NSUN4: variants seen among roughly 807,000 people sequenced by gnomAD.
NSUN4 encodes NOP2/Sun RNA methyltransferase 4, also known as 5-cytosine rRNA methyltransferase NSUN4.
A neutral mutation model predicts 43.8 loss-of-function variants in NSUN4; 31 were observed. The ratio of observed to expected loss-of-function variants is 0.71; its 90% confidence interval spans 0.53 to 0.96. NSUN4 has a LOEUF of 0.96. Among genes scored for constraint, NSUN4 ranks in the 40% least tolerant of loss-of-function variants. NSUN4 has a pLI of 0.00. For missense variants in NSUN4, 439 were observed against 475.6 expected (o/e 0.92, Z 0.72); for synonymous variants, 167 against 184.1 (o/e 0.91, Z 0.75).
At chr1:46,352,831 T>A (rs116646915) in intron 3 of NSUN4, 37 bp from the exon 4 acceptor site, 5 of 1,601,266 alleles carry the variant, frequency 3.1e-6, no homozygotes, top group Non-Finnish European at 4.3e-6. Context: ...GAATGTTTCA[T>A]TGGGTCATGG....
At chr1:46,349,132 GTTTGTTTT>G (rs1334490726) in intron 3 of NSUN4, among the ~76,000 whole-genome samples, 1 of 129,876 alleles carries the variant, frequency 7.7e-6, no homozygotes, top group Admixed American at 7.7e-5. Flanking sequence ...GTTTTTTTTG[GTTTGTTTT>G]TTTGTTTTTT....
At chr1:46,341,120 C>T in intron 1 of NSUN4, 2 of 1,267,134 alleles carry the variant, frequency 1.6e-6, no homozygotes, top group Non-Finnish European at 2.1e-6. Flanking sequence ...CCACTTGTTA[C>T]GTCTGCAGTC....
At position 46,363,275 on chromosome 1, in the gene NSUN4, T is replaced by C. The variant is rs1049011993; in HGVS notation, c.*1429T>C. 6.6e-6 allele frequency: 1 copy of C among 152,216 alleles called. No individual in the cohort carries two copies. The highest frequency in any genetic ancestry group is 2.4e-5 in the African/African-American group (1 of 41,446). The allele number at this position is 152,216 out of a possible 1,614,324, so 9.4% of individuals were successfully genotyped here. On this transcript the variant is annotated 3_prime_UTR_variant, in exon 6 of 6. Coordinates refer to ENST00000474844, the MANE Select transcript of NSUN4 (RefSeq NM_199044.4). ...TAGGAAGATGGAGCTTTAAGGAGCATGGCTAGTGCTCTGAGTAGGACCGTA... is the reference window on the plus strand; with the variant it reads ...TAGGAAGATGGAGCTTTAAGGAGCACGGCTAGTGCTCTGAGTAGGACCGTA...
chr1:46,369,103 T>C (rs17361887), downstream of NSUN4, among the ~76,000 whole-genome samples: 31,420 of 152,186 alleles, frequency 0.21, 3,980 homozygotes, highest in Non-Finnish European at 0.29. Flanking sequence ...CCTTGTGCTT[T>C]CTTGCTAGCT....
downstream of NSUN4, chr1:46,365,290 A>T (rs1157708175): frequency 6.6e-6 from 1 of 152,120 alleles, no homozygotes; most frequent in East Asian, 1.9e-4. Flanking sequence ...TATTATTAGT[A>T]ATGCTGCCAA....
At chr1:46,360,852 A>G (rs374631617) in intron 5 of NSUN4, 24 bp downstream of exon 5, 8 of 1,612,162 alleles carry the variant, frequency 5.0e-6, no homozygotes, top group Non-Finnish European at 5.9e-6. Context: ...TTTTAAACTC[A>G]GGACTTTGTG....
chr1:46,344,638 C>T, intron 1 of NSUN4, 163 bp from the exon 2 acceptor site: 1 of 642,236 alleles, frequency 1.6e-6, no homozygotes, highest in East Asian at 2.7e-5. Flanking sequence ...CCACTCTCCA[C>T]TACTTTTCCC....
chr1:46,349,022 C>T (rs1376798022), intron 3 of NSUN4, among the ~76,000 whole-genome samples: 1 of 151,728 alleles, frequency 6.6e-6, no homozygotes, highest in Non-Finnish European at 1.5e-5. Context: ...ACCATGTTGG[C>T]CAGGCTGGTC....
intron 4 of NSUN4, among the ~76,000 whole-genome samples, chr1:46,356,730 A>G (rs1179415587): frequency 6.6e-6 from 1 of 151,690 alleles, no homozygotes; most frequent in Non-Finnish European, 1.5e-5. Flanking sequence ...ATACTACTTC[A>G]GGGCTCTACA....
chr1:46,346,487 G>T (rs528612230), intron 2 of NSUN4, among the ~76,000 whole-genome samples: 1 of 150,778 alleles, frequency 6.6e-6, no homozygotes, highest in South Asian at 2.1e-4. Flanking sequence ...GGGAGGCAGA[G>T]GTTGCAGTGA....
chr1:46,383,546 C>A, the NSUN4 span, among the ~76,000 whole-genome samples: 3 of 150,876 alleles, frequency 2.0e-5, no homozygotes, highest in Admixed American at 2.0e-4. Context: ...AGCTCCGCCT[C>A]CCGGGTTCAC....
chr1:46,358,868 A>G (rs955077582), intron 4 of NSUN4, among the ~76,000 whole-genome samples: 14 of 152,312 alleles, frequency 9.2e-5, no homozygotes, highest in Admixed American at 3.3e-4. Context: ...GTTGACAATC[A>G]GTTACAGATG....
At chr1:46,351,733 C>T (rs953734815) in intron 3 of NSUN4, among the ~76,000 whole-genome samples, 9 of 141,224 alleles carry the variant, frequency 6.4e-5, no homozygotes, top group East Asian at 4.7e-4. Context: ...GGCGCCATCT[C>T]GGCTCACTGC....
intron 4 of NSUN4, among the ~76,000 whole-genome samples, chr1:46,356,842 C>G (rs1445386630): frequency 2.6e-5 from 4 of 152,174 alleles, no homozygotes; most frequent in Non-Finnish European, 4.4e-5. Flanking sequence ...ACTAACCCCC[C>G]CATGTCACAA....
chr1:46,364,528 A>C lies in NSUN4; in HGVS notation c.*2682A>C, dbSNP rs1248550897. 1 of 152,062 alleles carries C rather than the reference A, an allele frequency of 6.6e-6. No homozygotes were observed. Among genetic ancestry groups the C allele is most frequent in the Non-Finnish European group, 1.5e-5 (1 of 68,040 alleles). The allele number at this position is 152,062 out of a possible 1,614,324, so 9.4% of individuals were successfully genotyped here. On this transcript the variant is annotated 3_prime_UTR_variant, in exon 6 of 6. Transcript: ENST00000474844. ...AACCCCATCTCTATAAAAGTACAAAAGGGCATGATGGCAGGTGCCTGTAAT... is the reference window on the plus strand; with the variant it reads ...AACCCCATCTCTATAAAAGTACAAACGGGCATGATGGCAGGTGCCTGTAAT...
the NSUN4 span, among the ~76,000 whole-genome samples, chr1:46,371,130 C>G: frequency 6.9e-6 from 1 of 145,906 alleles, no homozygotes; most frequent in South Asian, 2.2e-4. Flanking sequence ...AACATTGCCA[C>G]CTTGATTTTT....
Position 46,361,815 on chromosome 1 carries a change from T to C in NSUN4, c.1124T>C (p.Met375Thr), listed in dbSNP as rs764905801. 3.1e-6 allele frequency: 5 copies of C among 1,614,084 alleles called. No homozygotes were observed. The highest frequency in any genetic ancestry group is 2.7e-5 in the African/African-American group (2 of 74,936). The change falls in exon 6 of 6, where the codon ATG (methionine) becomes ACG (threonine). Residue 375 changes from methionine (M) to threonine (T), a missense_variant. By Grantham distance (81) the Met-to-Thr change is moderately conservative (BLOSUM62 -1). Transcript: ENST00000474844. Reference protein sequence around the residue: ...IPNLMANFGPMYFCKMRRLT With the variant: ...IPNLMANFGPTYFCKMRRLT ...AACCTCATGGCCAATTTTGGCCCCA[T>C]GTACTTCTGCAAAATGCGTAGGCTG...
At chr1:46,344,154 T>G (rs1662315230) in intron 1 of NSUN4, 1 of 171,400 alleles carries the variant, frequency 5.8e-6, no homozygotes, top group Admixed American at 6.3e-5. Flanking sequence ...GCAGTCATCC[T>G]AGAAGTCCCT....
intron 4 of NSUN4, among the ~76,000 whole-genome samples, chr1:46,357,782 A>G (rs1663489062): frequency 6.6e-6 from 1 of 151,920 alleles, no homozygotes; most frequent in Admixed American, 6.6e-5. Flanking sequence ...ATTTCCTTTT[A>G]GGTGTATCTC....
Sources: gnomAD v4.1 joint callset for allele counts (sites outside exome capture counted in the v4.1 genomes callset) on GRCh38, gnomAD v4.1.1 for gene constraint, MANE v1.5 for transcripts, NCBI Gene and HGNC (gene_info 2026-07-23, HGNC 2026-07-21) for gene names.